FOXP1: variants seen among roughly 807,000 people sequenced by gnomAD.
The protein encoded by FOXP1 is forkhead box protein P1.
A neutral mutation model predicts 98.2 loss-of-function variants in FOXP1; 15 were observed. That is an observed-to-expected ratio of 0.15 (90% confidence interval 0.10 to 0.24). The LOEUF is 0.24. FOXP1 is among the 10% of genes least tolerant of loss of function. The pLI, the probability that FOXP1 is intolerant of heterozygous loss-of-function variation, is 1.00. For synonymous variants in FOXP1, 371 were observed against 314.5 expected (o/e 1.18, Z -1.90); for missense variants, 633 against 848.5 (o/e 0.75, Z 3.15).
Position 70,970,774 on chromosome 3 carries a change from T to G in FOXP1, c.1684A>C (p.Ser562Arg), listed in dbSNP as rs1192344460. Residue 562 changes from serine (S) to arginine (R), a missense_variant, in exon 19 of 21, where the codon AGC becomes CGC. Coordinates refer to ENST00000649528, the MANE Select transcript of FOXP1 (RefSeq NM_001349338.3). The part of the protein sequence containing the change: ...NPSLIKNMQS[S>R]HAYCTPLNAA... ...TTGAGAGGTGTGCAGTAGGCGTGGC[T>G]GCTCTGCATGTTTTTAATAAGGGAA... 1 of 1,613,962 alleles carries G rather than the reference T, an allele frequency of 6.2e-7. No individual in the cohort carries two copies. Among genetic ancestry groups the G allele is most frequent in the Non-Finnish European group, 8.5e-7 (1 of 1,179,938 alleles).
chr3:71,029,531 T>C lies in FOXP1; in HGVS notation c.869+11797A>G, dbSNP rs368648106. Among the ~76,000 whole-genome samples the C allele has an allele frequency of 1.9e-4, 29 of 152,140 alleles. No homozygotes were observed. The East Asian group carries it at 5.4e-3, about 28-fold the overall frequency. On this transcript the variant is annotated intron_variant, in intron 11 of 20. Coordinates refer to ENST00000649528, the MANE Select transcript of FOXP1 (RefSeq NM_001349338.3). ...TCAGTCTCCTGAGTAGCTGGGATTATAGGCATGCACCATCATGCTCAGCTA... is the reference window on the plus strand; with the variant it reads ...TCAGTCTCCTGAGTAGCTGGGATTACAGGCATGCACCATCATGCTCAGCTA...
chr3:71,432,067 TTTC>T (rs985479229), intron 3 of FOXP1, among the ~76,000 whole-genome samples: 48 of 152,306 alleles, frequency 3.2e-4, no homozygotes, highest in African/African-American at 1.1e-3. Flanking sequence ...ATGGCAAGAA[TTTC>T]TTAAGGGCCA....
chr3:71,371,852 A>G (rs1430689107), intron 3 of FOXP1, among the ~76,000 whole-genome samples: 3 of 151,220 alleles, frequency 2.0e-5, no homozygotes, highest in African/African-American at 7.3e-5. Context: ...CTCACTCCCT[A>G]CCTCCTTCTC....
At chr3:71,005,323 A>AAAC (rs1553687838) in intron 12 of FOXP1, among the ~76,000 whole-genome samples, 1 of 143,830 alleles carries the variant, frequency 7.0e-6, no homozygotes, top group Non-Finnish European at 1.5e-5. Flanking sequence ...TTAAAAAAAA[A>AAAC]AAAAAAAAAA....
At chr3:70,990,886 G>GTGAC (rs2040498262) in intron 13 of FOXP1, among the ~76,000 whole-genome samples, 1 of 152,146 alleles carries the variant, frequency 6.6e-6, no homozygotes, top group African/African-American at 2.4e-5. Flanking sequence ...TCCTGGCTCA[G>GTGAC]TGACTCAGCA....
intron 4 of FOXP1, among the ~76,000 whole-genome samples, chr3:71,354,921 G>T (rs2078049624): frequency 6.6e-6 from 1 of 152,226 alleles, no homozygotes; most frequent in South Asian, 2.1e-4. Context: ...GCCACTGAAT[G>T]AGAGTGTTGG....
intron 2 of FOXP1, among the ~76,000 whole-genome samples, chr3:71,522,995 C>T (rs535060152): frequency 1.8e-4 from 27 of 152,304 alleles, no homozygotes; most frequent in Admixed American, 2.0e-4. Context: ...TGTGACCTTA[C>T]TTGGAATATG....
chr3:71,571,733 C>T (rs1475834295), intron 2 of FOXP1: 1 of 152,126 alleles, frequency 6.6e-6, no homozygotes, highest in African/African-American at 2.4e-5. Flanking sequence ...TATGTTCTAT[C>T]CACTCGAAAT....
chr3:70,973,671 A>G (rs1286023804), intron 17 of FOXP1, among the ~76,000 whole-genome samples: 4 of 152,166 alleles, frequency 2.6e-5, no homozygotes, highest in African/African-American at 9.7e-5. Flanking sequence ...CATTCTAAAG[A>G]GATTCAGGTC....
At chr3:70,987,138 T>C (rs2039879976) in intron 14 of FOXP1, among the ~76,000 whole-genome samples, 3 of 152,224 alleles carry the variant, frequency 2.0e-5, no homozygotes, top group African/African-American at 2.4e-5. Context: ...TACCTTTAAA[T>C]TTTACAAATC....
At chr3:70,969,575 T>TGTCA (rs2035742089) in intron 19 of FOXP1, 1 of 152,280 alleles carries the variant, frequency 6.6e-6, no homozygotes, top group Non-Finnish European at 1.5e-5. Context: ...CCAGGGCTCC[T>TGTCA]GTCAGTATCT....
chr3:71,241,765 T>A (rs930310330), intron 5 of FOXP1, among the ~76,000 whole-genome samples: 1 of 152,250 alleles, frequency 6.6e-6, no homozygotes, highest in African/African-American at 2.4e-5. Context: ...AACGGCATCA[T>A]CATTACAGGG....
chr3:71,268,820 G>T (rs1232991356), intron 5 of FOXP1, among the ~76,000 whole-genome samples: 1 of 152,122 alleles, frequency 6.6e-6, no homozygotes, highest in Non-Finnish European at 1.5e-5. Context: ...CTGTCCACCA[G>T]GATGATTTAA....
rs774781626 is a variant in FOXP1, at chr3:71,527,732, GA to G, written c.-297-34178del. On this transcript the variant is annotated intron_variant, in intron 2 of 20. Transcript: ENST00000649528. ...TACAATAGGGGGGAAAAAACAAAGA[GA>G]AAAAAAATATATGTTTGTGTGATGC... Among the ~76,000 whole-genome samples, 20 of 152,084 alleles carry G rather than the reference GA, an allele frequency of 1.3e-4. No homozygotes were observed. In the East Asian group the frequency reaches 2.3e-3, roughly 18 times the overall value.
chr3:71,297,667 G>T (rs35375225), intron 5 of FOXP1, among the ~76,000 whole-genome samples: 3 of 143,212 alleles, frequency 2.1e-5, no homozygotes, highest in Non-Finnish European at 4.5e-5. Context: ...CCAGCCTGCA[G>T]AACAGTGGTG....
chr3:71,026,663 A>G (rs1026297041), intron 11 of FOXP1, among the ~76,000 whole-genome samples: 1 of 152,222 alleles, frequency 6.6e-6, no homozygotes, highest in Non-Finnish European at 1.5e-5. Flanking sequence ...AGGTGCCACG[A>G]AAGGTAGTAA....
intron 5 of FOXP1, among the ~76,000 whole-genome samples, chr3:71,231,553 T>C (rs996905294): frequency 6.6e-6 from 1 of 152,224 alleles, no homozygotes; most frequent in Non-Finnish European, 1.5e-5. Flanking sequence ...AGTGGTTATT[T>C]TGGAGAAACT....
At chr3:71,158,176 G>T (rs1392302081) in intron 6 of FOXP1, among the ~76,000 whole-genome samples, 1 of 133,214 alleles carries the variant, frequency 7.5e-6, no homozygotes, top group Non-Finnish European at 1.6e-5. Context: ...AAGGAAGGAA[G>T]GAGGGAAGGA....
intron 5 of FOXP1, among the ~76,000 whole-genome samples, chr3:71,290,746 C>G (rs544868687): frequency 2.6e-5 from 4 of 152,250 alleles, no homozygotes; most frequent in East Asian, 1.9e-4. Context: ...GCTCCGAAAT[C>G]CAAAACTTTT....
Sources: allele counts gnomAD v4.1 joint callset (sites outside exome capture counted in the v4.1 genomes callset), GRCh38; gene constraint gnomAD v4.1.1; transcripts MANE v1.5; gene names NCBI Gene and HGNC (gene_info 2026-07-23, HGNC 2026-07-21).